CECR2: variants seen among roughly 807,000 people sequenced by gnomAD.
The protein encoded by CECR2 is CECR2 histone acetyl-lysine reader, also known as chromatin remodeling regulator CECR2.
Under a neutral mutation model 154.5 loss-of-function variants are expected in CECR2, and 30 were observed. That is an observed-to-expected ratio of 0.19 (90% CI 0.15 to 0.26). CECR2 has a LOEUF of 0.26. Ranked by LOEUF, CECR2 falls within the 10% of genes least tolerant of loss-of-function variation. The probability of loss-of-function intolerance (pLI) is 1.00; values close to 1 mark genes in which losing one functional copy is unlikely to be tolerated. For missense variants in CECR2, 1,743 were observed against 1,829.3 expected, an observed-to-expected ratio of 0.95 and a Z score of 0.86; for synonymous variants, 725 against 683.7, an observed-to-expected ratio of 1.06 and a Z score of -0.94.
rs1051274799 is a variant in CECR2, at chr22:17,556,989, G to A, written c.*4149G>A. 1.3e-5 allele frequency: 2 copies of A among 152,066 alleles called. No homozygotes were observed. The highest frequency in any genetic ancestry group is 2.9e-5 in the Non-Finnish European group (2 of 68,038). The allele number at this position is 152,066 out of a possible 1,614,324, so 9.4% of individuals were successfully genotyped here. A position where few individuals can be genotyped will look rare whatever the true frequency, so the allele number is the denominator to read the frequency against. Reference sequence around the variant, plus strand: ...CACATCACTGCATAGCACAAAGAATGTGATTGCCATTTGCTGCGTGAGAAA... The same window carrying A: ...CACATCACTGCATAGCACAAAGAATATGATTGCCATTTGCTGCGTGAGAAA... On this transcript the variant is annotated 3_prime_UTR_variant, in exon 19 of 19. Coordinates refer to ENST00000262608, the MANE Select transcript of CECR2 (RefSeq NM_001290047.2).
chr22:17,477,268 T>C, intron 1 of CECR2: 1 of 629,356 alleles, frequency 1.6e-6, no homozygotes. Flanking sequence ...CGATTATATA[T>C]AATCAAAGAG....
intron 2 of CECR2, among the ~76,000 whole-genome samples, chr22:17,489,052 T>G (rs7292059): frequency 0.17 from 26,490 of 152,102 alleles, 2,371 homozygotes; most frequent in Non-Finnish European, 0.19. Flanking sequence ...CAAGTGATTC[T>G]CCTGCCTCAG....
At chr22:17,482,300 T>C (rs1401537395) in intron 2 of CECR2, among the ~76,000 whole-genome samples, 1 of 151,608 alleles carries the variant, frequency 6.6e-6, no homozygotes. Flanking sequence ...GGCAGGTGCC[T>C]GTAGTCCCAG....
chr22:17,477,965 A>G (rs547166216), intron 2 of CECR2, among the ~76,000 whole-genome samples: 15 of 152,060 alleles, frequency 9.9e-5, no homozygotes, highest in Non-Finnish European at 7.4e-5. Flanking sequence ...TTCTTCTTAT[A>G]TTTGCCATTT....
At chr22:17,417,128 T>C (rs1217486512) in intron 1 of CECR2, among the ~76,000 whole-genome samples, 2 of 152,196 alleles carry the variant, frequency 1.3e-5, no homozygotes, top group African/African-American at 4.8e-5. Flanking sequence ...AAGAAACTTA[T>C]TTTTTGATTG....
At chr22:17,443,728 A>T (rs1343480516) in intron 1 of CECR2, among the ~76,000 whole-genome samples, 2 of 152,066 alleles carry the variant, frequency 1.3e-5, no homozygotes, top group African/African-American at 4.8e-5. Context: ...CACTCCTCGT[A>T]ATCTGCTTCC....
intron 2 of CECR2, 126 bp from the exon 3 acceptor site, chr22:17,497,277 G>C (rs1253740097): frequency 2.3e-6 from 2 of 883,140 alleles, no homozygotes; most frequent in East Asian, 5.3e-5. Context: ...ATGACAGAGC[G>C]AGACCCTGTC....
intron 1 of CECR2, among the ~76,000 whole-genome samples, chr22:17,422,278 A>G (rs9605289): frequency 0.59 from 89,135 of 152,016 alleles, 27,512 homozygotes; most frequent in African/African-American, 0.8. Flanking sequence ...GCTCACTGCA[A>G]CCTCCACCTC....
chr22:17,379,583 TGTGTG>T (rs1041211012), intron 1 of CECR2, among the ~76,000 whole-genome samples: 31 of 107,874 alleles, frequency 2.9e-4, no homozygotes, highest in African/African-American at 1.7e-3. Context: ...ACGTTGAAGG[TGTGTG>T]TGTGTGTGTG....
chr22:17,417,843 A>G (rs1601322609), intron 1 of CECR2, among the ~76,000 whole-genome samples: 1 of 151,854 alleles, frequency 6.6e-6, no homozygotes, highest in Non-Finnish European at 1.5e-5. Flanking sequence ...CTGGTCCTGA[A>G]CTCCTGACCT....
In CECR2 at chr22:17,498,076, G is replaced by T. The variant is rs141870820; in HGVS notation, c.405+490G>T. Among the ~76,000 whole-genome samples the T allele has an allele frequency of 6.0e-4, 92 of 152,334 alleles. 1 individual carries two copies. Among genetic ancestry groups the T allele is most frequent in the African/African-American group, 2.1e-3 (87 of 41,588 alleles). On this transcript the variant is annotated intron_variant, in intron 3 of 18. Transcript: ENST00000262608. ...TGGCCATCTCTCTGTCCCCCTTGGT[G>T]TGGTTATCTGTTTAGAAGTATATCC... is the stretch of plus-strand genomic sequence containing the variant.
intron 9 of CECR2, among the ~76,000 whole-genome samples, chr22:17,527,941 C>T (rs529215985): frequency 6.6e-6 from 1 of 152,238 alleles, no homozygotes; most frequent in Admixed American, 6.5e-5. Context: ...AGAGGAAATC[C>T]TCATATACTG....
At chr22:17,440,163 C>G (rs771168175) in intron 1 of CECR2, among the ~76,000 whole-genome samples, 7 of 151,500 alleles carry the variant, frequency 4.6e-5, no homozygotes, top group Non-Finnish European at 1.0e-4. Flanking sequence ...ATACAAACAA[C>G]CCCCAGAATG....
chr22:17,381,962 A>G (rs1347914751), intron 1 of CECR2, among the ~76,000 whole-genome samples: 3 of 151,194 alleles, frequency 2.0e-5, no homozygotes, highest in African/African-American at 7.3e-5. Flanking sequence ...ATCTTGGCTC[A>G]CTGCGAGCTC....
At chr22:17,538,921 C>A in intron 12 of CECR2, 72 bp from the exon 13 acceptor site, 2 of 1,524,946 alleles carry the variant, frequency 1.3e-6, no homozygotes, top group Non-Finnish European at 1.8e-6. Context: ...CATTATCTCT[C>A]TGTCTCTCTC....
At chr22:17,477,730 T>A in intron 2 of CECR2, 48 bp downstream of exon 2, 1 of 1,299,020 alleles carries the variant, frequency 7.7e-7, no homozygotes, top group Non-Finnish European at 1.1e-6. Context: ...AAGAACTAAT[T>A]AACCAACCAT....
chr22:17,530,326 A>G (rs1206206581), intron 9 of CECR2, among the ~76,000 whole-genome samples: 1 of 151,598 alleles, frequency 6.6e-6, no homozygotes, highest in Non-Finnish European at 1.5e-5. Flanking sequence ...CAAGGAGAGG[A>G]CTCAGAGCTT....
chr22:17,533,474 A>G (rs1052112609), intron 9 of CECR2, among the ~76,000 whole-genome samples: 6 of 151,938 alleles, frequency 3.9e-5, no homozygotes, highest in African/African-American at 1.2e-4. Context: ...TACTAAAAAT[A>G]CAATAATTAC....
intron 1 of CECR2, among the ~76,000 whole-genome samples, chr22:17,382,005 A>C (rs2063199240): frequency 1.3e-5 from 2 of 150,834 alleles, no homozygotes; most frequent in African/African-American, 4.9e-5. Context: ...CTCCTGCCTC[A>C]GTCTCCCTAG....
Sources: gnomAD v4.1 joint callset for allele counts (sites outside exome capture counted in the v4.1 genomes callset) on GRCh38, gnomAD v4.1.1 for gene constraint, MANE v1.5 for transcripts, NCBI Gene and HGNC (gene_info 2026-07-23, HGNC 2026-07-21) for gene names.